The following PATL2 variants were observed in gnomAD, a reference collection of about 807,000 sequenced individuals.
PATL2 encodes the protein protein PAT1 homolog 2.
In PATL2, 73 loss-of-function variants were observed where a neutral mutation model predicts 77.0. The observed-to-expected ratio is 0.95, with a 90% CI of 0.78 to 1.15. The LOEUF is 1.15. Ranked by LOEUF, PATL2 falls within the 50% of genes most tolerant of loss-of-function variation. The pLI, the probability that PATL2 is intolerant of heterozygous loss-of-function variation, is 0.00. For synonymous variants in PATL2, 265 were observed against 257.1 expected (o/e 1.03, Z -0.29); for missense variants, 618 against 655.4 (o/e 0.94, Z 0.62).
chr15:44,666,703 T>G, intron 16 of PATL2, 162 bp from the exon 17 acceptor site: 1 of 677,010 alleles, frequency 1.5e-6, no homozygotes, highest in Non-Finnish European at 2.4e-6. Context: ...CAAGCAATGC[T>G]TAGTGCTTTA....
chr15:44,669,017 T>C lies in PATL2; in HGVS notation c.1187A>G (p.His396Arg), dbSNP rs746731865. 4.5e-5 allele frequency: 70 copies of C among 1,550,650 alleles called. No individual in the cohort carries two copies. Among genetic ancestry groups the C allele is most frequent in the Non-Finnish European group, 8.7e-6 (10 of 1,146,512 alleles). Residue 396 changes from histidine (H) to arginine (R), a missense_variant, in exon 14 of 18, where the codon CAT becomes CGT. By Grantham distance (29) the His-to-Arg change is conservative. Coordinates refer to ENST00000682850, the MANE Select transcript of PATL2 (RefSeq NM_001387263.1). ...ATCCCTCCGGACCAGGAGGGGCAGA[T>C]GGTGGGTGATAGCCAAAAGAATGGT... ...AVTILLAITH[H>R]LPLLVRRDVA...
At chr15:44,673,844 C>A (rs1241813918) in intron 6 of PATL2, among the ~76,000 whole-genome samples, 2 of 152,222 alleles carry the variant, frequency 1.3e-5, no homozygotes, top group Non-Finnish European at 2.9e-5. Flanking sequence ...AGGGCAGGTG[C>A]TCTTTCCAGC....
intron 3 of PATL2, among the ~76,000 whole-genome samples, chr15:44,699,258 A>G (rs1195769524): frequency 2.6e-5 from 4 of 152,110 alleles, no homozygotes; most frequent in Non-Finnish European, 5.9e-5. Flanking sequence ...GTATTACTCA[A>G]GAAATTTTTG....
chr15:44,681,647 A>G (rs2086136336), intron 3 of PATL2, among the ~76,000 whole-genome samples: 1 of 152,194 alleles, frequency 6.6e-6, no homozygotes, highest in Non-Finnish European at 1.5e-5. Context: ...TTCTGGAAAG[A>G]GCATCTGTAG....
chr15:44,699,246 G>T (rs1329724361), intron 3 of PATL2, among the ~76,000 whole-genome samples: 2 of 152,058 alleles, frequency 1.3e-5, no homozygotes, highest in Non-Finnish European at 2.9e-5. Flanking sequence ...AAGCCTTTAA[G>T]GGTATTACTC....
At chr15:44,685,544 G>T (rs1009968070) in intron 3 of PATL2, among the ~76,000 whole-genome samples, 2 of 151,906 alleles carry the variant, frequency 1.3e-5, no homozygotes, top group African/African-American at 4.8e-5. Context: ...GGAGGCAGAG[G>T]TTGCAGTGAG....
At chr15:44,675,987 G>T (rs1595970713) in intron 4 of PATL2, 1 of 421,808 alleles carries the variant, frequency 2.4e-6, no homozygotes, top group African/African-American at 2.0e-5. Context: ...TTTGAGATCA[G>T]CCTGGGCAAC....
At chr15:44,701,177 A>C (rs1018466671) in intron 3 of PATL2, among the ~76,000 whole-genome samples, 2 of 151,910 alleles carry the variant, frequency 1.3e-5, no homozygotes, top group African/African-American at 4.8e-5. Context: ...GATGAGATGA[A>C]TAATCACTTT....
Position 44,670,078 on chromosome 15 carries a change from G to A in PATL2, c.667C>T (p.Gln223Ter), listed in dbSNP as rs1470757354. 11 of 1,551,234 alleles carry A rather than the reference G, an allele frequency of 7.1e-6. No homozygotes were observed. Among genetic ancestry groups the A allele is most frequent in the African/African-American group, 1.4e-5 (1 of 72,972 alleles). Residue 223 changes from glutamine (Q) to a stop codon, truncating the protein, a stop_gained, in exon 10 of 18, where the codon CAG becomes TAG. Coordinates refer to ENST00000682850, the MANE Select transcript of PATL2 (RefSeq NM_001387263.1). LOFTEE classifies it high-confidence loss of function. Reference sequence around the variant, plus strand: ...TCTGCCTGCTTCTTCTCTAGCTTCTGGTAATATTCCTGAGAATGCACGGAA... The same window carrying A: ...TCTGCCTGCTTCTTCTCTAGCTTCTAGTAATATTCCTGAGAATGCACGGAA... ...LDDYYYQEYY[Q>*]KLEKKQADEE...
chr15:44,676,742 C>G (rs139327613), intron 3 of PATL2, 177 bp from the exon 4 acceptor site: 22 of 1,270,614 alleles, frequency 1.7e-5, no homozygotes, highest in Non-Finnish European at 2.3e-5. Context: ...CAGCTCGGCT[C>G]TAGGGAGCTG....
intron 3 of PATL2, among the ~76,000 whole-genome samples, chr15:44,699,290 G>T (rs1293175363): frequency 2.0e-5 from 3 of 152,084 alleles, no homozygotes; most frequent in Non-Finnish European, 4.4e-5. Context: ...GTCCTGGAGA[G>T]TTTCCACAAT....
chr15:44,690,082 G>A (rs546580394), intron 3 of PATL2, among the ~76,000 whole-genome samples: 5 of 152,122 alleles, frequency 3.3e-5, no homozygotes, highest in East Asian at 3.9e-4. Context: ...CCAGCTACTC[G>A]GGAGGCTGAG....
chr15:44,667,718 G>C (rs957757633), intron 15 of PATL2, among the ~76,000 whole-genome samples: 1 of 152,282 alleles, frequency 6.6e-6, no homozygotes, highest in East Asian at 1.9e-4. Context: ...CGAGGCAGGC[G>C]AATCACTTAA....
intron 3 of PATL2, among the ~76,000 whole-genome samples, chr15:44,689,964 C>T (rs975935998): frequency 2.6e-5 from 4 of 152,044 alleles, no homozygotes; most frequent in Non-Finnish European, 4.4e-5. Context: ...CCGAGGTGGG[C>T]GGATCACCTG....
intron 3 of PATL2, among the ~76,000 whole-genome samples, chr15:44,709,299 T>A (rs537345952): frequency 6.6e-6 from 1 of 152,304 alleles, no homozygotes; most frequent in East Asian, 1.9e-4. Context: ...AAATGTTCAT[T>A]GTAAAAAAAT....
At position 44,691,743 on chromosome 15, in the gene PATL2, G is replaced by T. The variant is rs577114841; in HGVS notation, c.-75-15178C>A. ...GTGGCACACACCTGTAGTACCATCT[G>T]CTCAGGAGGCTAAGAAAAGGCCAGC... On this transcript the variant is annotated intron_variant, in intron 3 of 17. Transcript: ENST00000682850. Among the ~76,000 whole-genome samples, 7 of 152,054 alleles carry T rather than the reference G, an allele frequency of 4.6e-5. No individual in the cohort carries two copies. In the South Asian group the frequency reaches 1.5e-3, roughly 32 times the overall value.
intron 3 of PATL2, among the ~76,000 whole-genome samples, chr15:44,708,563 G>C (rs1298011289): frequency 1.3e-5 from 2 of 152,080 alleles, no homozygotes; most frequent in East Asian, 3.8e-4. Context: ...GAATCATATA[G>C]TATATGTTCT....
chr15:44,666,432 C>A lies in PATL2; in HGVS notation c.1573G>T (p.Val525Leu), dbSNP rs759282207. 1 of 1,551,566 alleles carries A rather than the reference C, an allele frequency of 6.4e-7. No individual in the cohort carries two copies. The highest frequency in any genetic ancestry group is 8.7e-7 in the Non-Finnish European group (1 of 1,146,998). ...AGCTGCTGAACCAATTGTTTGTCCA[C>A]GTGGTGACAGAACAGGGGAAGTAGG... ...SNLLPLFCHH[V>L]DKQLVQQLEA... Residue 525 changes from valine (V) to leucine (L), a missense_variant, in exon 17 of 18, where the codon GTG (valine) becomes TTG (leucine). By Grantham distance (32) the Val-to-Leu change is conservative. Transcript: ENST00000682850.
At chr15:44,703,723 CTTTTTTTTTTTTTTTTT>C (rs933165876) in intron 3 of PATL2, among the ~76,000 whole-genome samples, 10 of 33,004 alleles carry the variant, frequency 3.0e-4, no homozygotes, top group African/African-American at 6.1e-4. Flanking sequence ...CCGGGTCTTG[CTTTTTTTTTTTTTTTTT>C]TTTTTTTTTT....
Sources: allele counts gnomAD v4.1 joint callset (sites outside exome capture counted in the v4.1 genomes callset), GRCh38; gene constraint gnomAD v4.1.1; transcripts MANE v1.5; gene names NCBI Gene and HGNC (gene_info 2026-07-23, HGNC 2026-07-21).